WNK3: variants seen among roughly 807,000 people sequenced by gnomAD.
WNK3 encodes the protein serine/threonine-protein kinase WNK3.
A neutral mutation model predicts 116.7 loss-of-function variants in WNK3; 18 were observed. That is an observed-to-expected ratio of 0.15 (90% CI 0.11 to 0.23). The LOEUF is 0.23. Among genes scored for constraint, WNK3 ranks in the 10% least tolerant of loss-of-function variants. The pLI is 1.00. For missense variants in WNK3, 993 were observed against 1,323.8 expected (o/e 0.75, Z 3.88); for synonymous variants, 404 against 469.4 (o/e 0.86, Z 1.80).
intron 22 of WNK3, among the ~76,000 whole-genome samples, chrX:54,225,107 C>T (rs1317598135): frequency 4.7e-5 from 5 of 107,203 alleles, no homozygotes; most frequent in Admixed American, 1.0e-4. Flanking sequence ...AATAGCAGGA[C>T]ATGGTGGCAT....
intron 17 of WNK3, among the ~76,000 whole-genome samples, chrX:54,241,953 CA>C (rs782594022): frequency 0.053 from 3,237 of 60,811 alleles, 124 homozygotes; most frequent in African/African-American, 0.16. Context: ...GACTCCATCT[CA>C]AAAAAAAAAA....
At chrX:54,341,850 A>G (rs1460471893) in intron 1 of WNK3, among the ~76,000 whole-genome samples, 1 of 112,057 alleles carries the variant, frequency 8.9e-6, no homozygotes, top group Non-Finnish European at 1.9e-5. Context: ...ATGGTAATGA[A>G]CTAAAATTGA....
chrX:54,330,496 T>C (rs1159439012), intron 2 of WNK3, among the ~76,000 whole-genome samples: 1 of 109,955 alleles, frequency 9.1e-6, no homozygotes, highest in African/African-American at 3.3e-5. Flanking sequence ...CGTTAAGGCT[T>C]CAGTGAGCCA....
intron 1 of WNK3, among the ~76,000 whole-genome samples, chrX:54,348,124 A>ATGTGTATG (rs1557177971): frequency 9.7e-6 from 1 of 102,901 alleles, no homozygotes; most frequent in Non-Finnish European, 2.0e-5. Flanking sequence ...CATTGTATAT[A>ATGTGTATG]TGTGTGTGTG....
intron 1 of WNK3, among the ~76,000 whole-genome samples, chrX:54,351,682 C>T (rs924063389): frequency 9.0e-6 from 1 of 111,234 alleles, no homozygotes; most frequent in Non-Finnish European, 1.9e-5. Flanking sequence ...GAGGCCAAGG[C>T]GGGTGGATCA....
intron 1 of WNK3, among the ~76,000 whole-genome samples, chrX:54,348,022 G>C (rs2069460407): frequency 9.1e-6 from 1 of 110,299 alleles, no homozygotes; most frequent in African/African-American, 3.3e-5. Flanking sequence ...AGTAACTTAA[G>C]ATACATGTTT....
intron 22 of WNK3, among the ~76,000 whole-genome samples, chrX:54,224,495 T>C (rs1283970977): frequency 3.2e-5 from 2 of 63,117 alleles, no homozygotes; most frequent in African/African-American, 1.2e-4. Context: ...TACATATGTG[T>C]GCAAGTGTGT....
chrX:54,224,718 C>T (rs1163333762), intron 22 of WNK3, among the ~76,000 whole-genome samples: 3 of 109,507 alleles, frequency 2.7e-5, no homozygotes, highest in Admixed American at 9.8e-5. Flanking sequence ...TACAGGCGCC[C>T]GCCACCACAC....
chrX:54,248,025 G>A (rs1242383589), intron 17 of WNK3, among the ~76,000 whole-genome samples: 2 of 110,570 alleles, frequency 1.8e-5, no homozygotes, highest in African/African-American at 6.6e-5. Context: ...GGTGGATCAC[G>A]AGGTCAAGAG....
At chrX:54,354,854 C>T (rs571880548) in intron 1 of WNK3, among the ~76,000 whole-genome samples, 13 of 110,516 alleles carry the variant, frequency 1.2e-4, no homozygotes, top group Middle Eastern at 9.3e-3. Context: ...GAGGCCGAGG[C>T]GGGCGGATCA....
rs1299750599 is a variant in WNK3 at position 54,322,266 on chromosome X, G to C, written c.537+10871C>G. 3.9e-4 allele frequency among the ~76,000 whole-genome samples: 43 copies of C among 111,547 alleles called. No individual in the cohort carries two copies. The Admixed American group carries it at 3.9e-3, about 10-fold the overall frequency. On this transcript the variant is annotated intron_variant, in intron 2 of 23. Coordinates refer to ENST00000354646, the Ensembl canonical transcript of WNK3. Reference sequence around the variant, plus strand: ...TAGCTCCCCATGTAACTAGCCTAAAGACTATATAGAACATTTTACCTAACA... The same window carrying C: ...TAGCTCCCCATGTAACTAGCCTAAACACTATATAGAACATTTTACCTAACA...
chrX:54,205,232 AAACC>A lies in WNK3; in HGVS notation c.4871-3043_4871-3040del, dbSNP rs781988632. 9.9e-3 allele frequency among the ~76,000 whole-genome samples: 950 copies of A among 96,321 alleles called. 12 individuals are homozygous for A. The highest frequency in any genetic ancestry group is 0.037 in the African/African-American group (832 of 22,395). The allele number at this position is 96,321 out of a possible 115,157, so 83.6% of individuals were successfully genotyped here. ...TCCACACACACACACACACAAAACC[AAACC>A]AACCAACCAACCAACCAACCAACCA... On this transcript the variant is annotated intron_variant, in intron 22 of 23. Transcript: ENST00000354646.
At chrX:54,331,631 T>C (rs2069172559) in intron 2 of WNK3, among the ~76,000 whole-genome samples, 2 of 111,411 alleles carry the variant, frequency 1.8e-5, no homozygotes, top group Non-Finnish European at 1.9e-5. Flanking sequence ...GTCTGACTGA[T>C]AAGTAACTTG....
At chrX:54,266,720 T>C (rs191525665) in intron 10 of WNK3, among the ~76,000 whole-genome samples, 96 of 108,905 alleles carry the variant, frequency 8.8e-4, no homozygotes, top group African/African-American at 3.2e-3. Flanking sequence ...AATTTATTTA[T>C]ATATATATAT....
intron 22 of WNK3, among the ~76,000 whole-genome samples, chrX:54,213,711 T>C (rs950154097): frequency 9.1e-6 from 1 of 109,556 alleles, no homozygotes; most frequent in African/African-American, 3.4e-5. Context: ...AAATACTGGA[T>C]CTTTGTAAAG....
chrX:54,358,096 G>A (rs2147373610), upstream of WNK3: 1 of 111,127 alleles, frequency 9.0e-6, no homozygotes, highest in African/African-American at 3.3e-5. Flanking sequence ...ACAGAAGAGG[G>A]GGAGGGGCGG....
chrX:54,225,333 C>T (rs1180740046), intron 22 of WNK3, among the ~76,000 whole-genome samples: 5 of 109,881 alleles, frequency 4.6e-5, no homozygotes, highest in African/African-American at 1.6e-4. Flanking sequence ...AATTTAAAGA[C>T]AACCTGGCTG....
chrX:54,241,993 T>C (rs1056951315), intron 17 of WNK3, among the ~76,000 whole-genome samples: 12 of 105,839 alleles, frequency 1.1e-4, no homozygotes, highest in African/African-American at 3.8e-4. Context: ...AAAATAAAAA[T>C]GGGAAATGAA....
At chrX:54,204,316 A>G (rs1261194933) in intron 22 of WNK3, among the ~76,000 whole-genome samples, 14 of 110,455 alleles carry the variant, frequency 1.3e-4, no homozygotes, top group African/African-American at 4.3e-4. Context: ...ATGGGGTTTC[A>G]CCATGTTGCC....
Sources: gnomAD v4.1 joint callset for allele counts (sites outside exome capture counted in the v4.1 genomes callset) on GRCh38, gnomAD v4.1.1 for gene constraint, MANE v1.5 for transcripts, NCBI Gene and HGNC (gene_info 2026-07-23, HGNC 2026-07-21) for gene names.